Variants in CSAD observed in about 807,000 individuals in gnomAD.
The protein encoded by CSAD is cysteine sulfinic acid decarboxylase.
In CSAD, 47 loss-of-function variants were observed where a neutral mutation model predicts 61.5. The observed-to-expected ratio is 0.76, with a 90% confidence interval of 0.60 to 0.97. The LOEUF is 0.97. Among genes scored for constraint, CSAD ranks in the 50% least tolerant of loss-of-function variants. The pLI is 0.00. For missense variants in CSAD, 611 were observed against 643.6 expected, an observed-to-expected ratio of 0.95 and a Z score of 0.55; for synonymous variants, 245 against 252.7, an observed-to-expected ratio of 0.97 and a Z score of 0.29.
intron 10 of CSAD, among the ~76,000 whole-genome samples, chr12:53,162,999 T>TAAA (rs1343785051): frequency 6.0e-5 from 9 of 150,726 alleles, no homozygotes; most frequent in Non-Finnish European, 1.2e-4. Context: ...AGGCGGAGGT[T>TAAA]GCTGTGAGCC....
At chr12:53,173,500 C>A (rs762892045) in intron 3 of CSAD, 24 bp from the exon 4 acceptor site, 1 of 1,614,110 alleles carries the variant, frequency 6.2e-7, no homozygotes, top group Non-Finnish European at 8.5e-7. Flanking sequence ...GAGTCATTCC[C>A]TACTCAGCCT....
intron 1 of CSAD, 41 bp downstream of exon 1, chr12:53,180,691 C>T (rs1488880387): frequency 2.7e-5 from 34 of 1,272,682 alleles, no homozygotes; most frequent in Non-Finnish European, 3.4e-5. Flanking sequence ...GGGGGAAGTG[C>T]TTCCGGGGAA....
chr12:53,159,368 A>G (rs373900445), intron 16 of CSAD, among the ~76,000 whole-genome samples: 10 of 152,118 alleles, frequency 6.6e-5, no homozygotes, highest in African/African-American at 2.2e-4. Context: ...TCCCAGCCCA[A>G]TTGCCAGCAC....
At chr12:53,177,479 G>T (rs755703213) in intron 2 of CSAD, among the ~76,000 whole-genome samples, 1 of 152,008 alleles carries the variant, frequency 6.6e-6, no homozygotes, top group Non-Finnish European at 1.5e-5. Flanking sequence ...ATGGGCAAAG[G>T]ATATGAACAG....
In CSAD at chr12:53,158,674, A is replaced by C. The variant is rs192115010; in HGVS notation, c.1319T>G (p.Val440Gly). 36 of 1,614,064 alleles carry C rather than the reference A, an allele frequency of 2.2e-5. No individual in the cohort carries two copies. In the Admixed American group the frequency reaches 4.2e-4, roughly 19 times the overall value. Residue 440 changes from valine to glycine, a missense_variant, in exon 17 of 17, where the codon GTG becomes GGG. Coordinates refer to ENST00000444623, the MANE Select transcript of CSAD (RefSeq NM_001244705.2). ...YHERLSKVAP[V>G]LKERMVKEGS... ...CTCCTTCACCATGCGCTCCTTGAGC[A>C]CGGGGGCCACCTGTGGAAGGGTGGA...
Position 53,170,008 on chromosome 12 carries a change from G to A in CSAD, c.702+64C>T, listed in dbSNP as rs115571635. ...GGATGAAGGATGCCTTGAGAAAGGA[G>A]AGCCCAAATAACCCTCCAAGACAGT... On this transcript the variant is annotated intron_variant, in intron 10 of 16. Transcript: ENST00000444623. 7.4e-4 allele frequency: 1,032 copies of A among 1,397,204 alleles called. 3 individuals are homozygous for A. In the African/African-American group the frequency reaches 0.013, roughly 18 times the overall value. 86.6% of individuals were successfully genotyped at this position (1,397,204 alleles called of 1,614,324 possible).
At chr12:53,162,304 T>C (rs1242598279) in intron 10 of CSAD, among the ~76,000 whole-genome samples, 1 of 151,746 alleles carries the variant, frequency 6.6e-6, no homozygotes, top group Admixed American at 6.6e-5. Flanking sequence ...GTACGGTGGC[T>C]CACACCTGTA....
intron 8 of CSAD, chr12:53,170,723 T>G (rs1335229667): frequency 1.8e-5 from 3 of 163,030 alleles, no homozygotes; most frequent in African/African-American, 6.8e-5. Flanking sequence ...CATTTGTTTG[T>G]TTTTTTTTTT....
In CSAD at chr12:53,171,869, C is replaced by T. The variant is rs761747045; in HGVS notation, c.451+13G>A. ...AAAAAGGGCAAAGAAAGGTCCTCCT[C>T]CTTCTCACAAACCAGGGCAGAAGAT... On this transcript the variant is annotated intron_variant, in intron 7 of 16. Coordinates refer to ENST00000444623, the MANE Select transcript of CSAD (RefSeq NM_001244705.2). The T allele has an allele frequency of 2.0e-5, 31 of 1,584,418 alleles. No homozygotes were observed. The highest frequency in any genetic ancestry group is 8.4e-5 in the Admixed American group (5 of 59,692).
intron 1 of CSAD, chr12:53,180,046 A>G: frequency 7.1e-7 from 1 of 1,416,860 alleles, no homozygotes; most frequent in East Asian, 2.6e-5. Flanking sequence ...AAGGTAACCA[A>G]CCAGGCTGGC....
chr12:53,163,068 A>G (rs1192827684), intron 10 of CSAD, among the ~76,000 whole-genome samples: 1 of 151,820 alleles, frequency 6.6e-6, no homozygotes, highest in Admixed American at 6.6e-5. Flanking sequence ...TCTCAAAAAA[A>G]AAAAAAAGAA....
chr12:53,160,148 G>C lies in CSAD; in HGVS notation c.1138C>G (p.Arg380Gly), dbSNP rs550116116. 1 of 1,613,580 alleles carries C rather than the reference G, an allele frequency of 6.2e-7. No homozygotes were observed. The highest frequency in any genetic ancestry group is 8.5e-7 in the Non-Finnish European group (1 of 1,180,036). ...KAQGDQGLER[R>G]IDQAFVLARY... ...GCAAGGACAAAGGCCTGGTCGATGC[G>C]CCGCTCCAGCCCTTGATCGCCCTGT... The change falls in exon 14 of 17, where the codon CGC becomes GGC. Residue 380 changes from arginine to glycine, a missense_variant. Coordinates refer to ENST00000444623, the MANE Select transcript of CSAD (RefSeq NM_001244705.2).
Position 53,160,188 on chromosome 12 carries a change from C to T in CSAD, c.1098G>A (p.Trp366Ter). 6.2e-7 allele frequency: 1 copy of T among 1,614,176 alleles called. No individual in the cohort carries two copies. The highest frequency in any genetic ancestry group is 8.5e-7 in the Non-Finnish European group (1 of 1,180,044). Residue 366 changes from tryptophan to a stop codon, truncating the protein, a stop_gained, in exon 14 of 17, where the codon TGG becomes TGA. Coordinates refer to ENST00000444623, the MANE Select transcript of CSAD (RefSeq NM_001244705.2). LOFTEE classifies it high-confidence loss of function. ...CGRRVDCLKLWLMWKAQGDQG... is the reference protein window; with the variant it reads ...CGRRVDCLKL ...GATCGCCCTGTGCCTTCCACATGAG[C>T]CACAGCTTCAGACAGTCCACACGGC...
intron 8 of CSAD, 148 bp downstream of exon 8, chr12:53,171,178 T>A (rs1276347572): frequency 1.6e-6 from 2 of 1,215,596 alleles, no homozygotes; most frequent in East Asian, 5.1e-5. Flanking sequence ...TTACTTGACC[T>A]CCTTGATTGG....
At chr12:53,173,600 G>A (rs758903534) in intron 3 of CSAD, 124 bp from the exon 4 acceptor site, 7 of 1,554,656 alleles carry the variant, frequency 4.5e-6, no homozygotes, top group Non-Finnish European at 6.2e-6. Context: ...GGCCTCCAGT[G>A]CACAGACAAG....
At chr12:53,163,076 GA>G (rs1020566696) in intron 10 of CSAD, among the ~76,000 whole-genome samples, 3 of 149,452 alleles carry the variant, frequency 2.0e-5, no homozygotes, top group Non-Finnish European at 4.5e-5. Flanking sequence ...AAAAAAAAAA[GA>G]AAAAAAATAG....
chr12:53,170,679 AGGTCTGGGGTCTAG>A lies in CSAD; in HGVS notation c.568-191_568-178del, dbSNP rs539517403. On this transcript the variant is annotated intron_variant, in intron 8 of 16. Transcript: ENST00000444623. ...AATGAAATGCAGGTTCTGGTCCACT[AGGTCTGGGGTCTAG>A]GGTGGGGCCCAAGATTCTGCATTTG... 9 of 608,128 alleles carry A rather than the reference AGGTCTGGGGTCTAG, an allele frequency of 1.5e-5. No homozygotes were observed. The South Asian group carries it at 1.7e-4, about 11-fold the overall frequency. 37.7% of individuals were successfully genotyped at this position (608,128 alleles called of 1,614,324 possible). A position where few individuals can be genotyped will look rare whatever the true frequency, so the allele number is the denominator to read the frequency against.
chr12:53,173,950 C>G lies in CSAD; in HGVS notation c.-49-180G>C, dbSNP rs1417418943. The G allele has an allele frequency of 9.6e-6, 6 of 622,790 alleles. No individual in the cohort carries two copies. The South Asian group carries it at 1.2e-4, about 12-fold the overall frequency. The allele number at this position is 622,790 out of a possible 1,614,324, so 38.6% of individuals were successfully genotyped here. ...TTCCCATTCTCCCCTTCCCCGACCCCTGGCAACTACTAATCTACTTTGTTT... is the reference window on the plus strand; with the variant it reads ...TTCCCATTCTCCCCTTCCCCGACCCGTGGCAACTACTAATCTACTTTGTTT... On this transcript the variant is annotated intron_variant, in intron 2 of 16. Coordinates refer to ENST00000444623, the MANE Select transcript of CSAD (RefSeq NM_001244705.2).
chr12:53,172,060 G>A, intron 6 of CSAD, 72 bp from the exon 7 acceptor site: 1 of 1,090,530 alleles, frequency 9.2e-7, no homozygotes, highest in Admixed American at 2.0e-5. Context: ...AAACTGCACA[G>A]GAGTCACAAA....
Sources: allele counts gnomAD v4.1 joint callset (sites outside exome capture counted in the v4.1 genomes callset), GRCh38; gene constraint gnomAD v4.1.1; transcripts MANE v1.5; gene names NCBI Gene and HGNC (gene_info 2026-07-23, HGNC 2026-07-21).